The following ELP3 variants were observed in gnomAD, a reference collection of about 807,000 sequenced individuals.
ELP3 encodes the protein elongator complex protein 3.
Under a neutral mutation model 74.9 loss-of-function variants are expected in ELP3, and 56 were observed. That is an observed-to-expected ratio of 0.75 (90% CI 0.60 to 0.93). The LOEUF is 0.93. ELP3 is among the 40% of genes least tolerant of loss of function. The pLI, the probability that ELP3 is intolerant of heterozygous loss-of-function variation, is 0.00. For missense variants in ELP3, 573 were observed against 686.5 expected (o/e 0.83, Z 1.85); for synonymous variants, 222 against 239.8 (o/e 0.93, Z 0.68).
intron 10 of ELP3, among the ~76,000 whole-genome samples, chr8:28,140,969 G>A (rs942108060): frequency 6.6e-6 from 1 of 152,170 alleles, no homozygotes; most frequent in African/African-American, 2.4e-5. Flanking sequence ...CAAAAATATT[G>A]TGACCAGGGC....
At chr8:28,135,371 G>A (rs1812945633) in intron 9 of ELP3, among the ~76,000 whole-genome samples, 1 of 152,194 alleles carries the variant, frequency 6.6e-6, no homozygotes, top group Admixed American at 6.5e-5. Flanking sequence ...CTAAATGTCA[G>A]TATCGTGAAC....
In ELP3 at chr8:28,137,854, C is replaced by G. The variant is rs1008526015; in HGVS notation, c.1063C>G (p.Leu355Val). 1.2e-6 allele frequency: 2 copies of G among 1,613,118 alleles called. No individual in the cohort carries two copies. Among genetic ancestry groups the G allele is most frequent in the Admixed American group, 1.7e-5 (1 of 59,770 alleles). ...LVELVARILALVPPWTRVYRV... is the reference protein window; with the variant it reads ...LVELVARILAVVPPWTRVYRV... ...TGAATTGGTGGCTCGGATCCTAGCC[C>G]TCGTGCCTCCATGGACTCGAGTGTA... Residue 355 changes from leucine (L) to valine (V), a missense_variant, in exon 10 of 15, where the codon CTC (leucine) becomes GTC (valine). By Grantham distance (32) the Leu-to-Val change is conservative (BLOSUM62 1). Transcript: ENST00000256398.
At chr8:28,107,818 G>T in intron 4 of ELP3, 95 bp from the exon 5 acceptor site, 1 of 901,110 alleles carries the variant, frequency 1.1e-6, no homozygotes, top group East Asian at 2.5e-5. Flanking sequence ...AAGCTCATTT[G>T]TTATCAGGAT....
Position 28,147,849 on chromosome 8 carries a change from T to A in ELP3, c.1101-8093T>A, listed in dbSNP as rs10095192. ...CAGGATGAACACAGAACATCTTGTCTTTCCAGAGAGTAAGTAAATAATCAA... is the reference window on the plus strand; with the variant it reads ...CAGGATGAACACAGAACATCTTGTCATTCCAGAGAGTAAGTAAATAATCAA... On this transcript the variant is annotated intron_variant, in intron 10 of 14. Transcript: ENST00000256398. The surrounding 1 kb of genome is among the most constrained non-coding windows in gnomAD (Gnocchi z 4.5). Among the ~76,000 whole-genome samples the A allele has an allele frequency of 0.6, 91,296 of 151,962 alleles. 28,907 individuals are homozygous for A. Among genetic ancestry groups the A allele is most frequent in the East Asian group, 0.93 (4,828 of 5,172 alleles).
intron 14 of ELP3, among the ~76,000 whole-genome samples, chr8:28,185,281 C>T (rs1447502618): frequency 6.6e-6 from 1 of 152,172 alleles, no homozygotes; most frequent in Non-Finnish European, 1.5e-5. Context: ...AGAAGTCATC[C>T]TGCCCTTCAG....
chr8:28,116,548 T>C (rs980823094), intron 7 of ELP3, among the ~76,000 whole-genome samples: 2 of 152,306 alleles, frequency 1.3e-5, no homozygotes, highest in African/African-American at 2.4e-5. Context: ...GAGACCAGCC[T>C]GACCAACATG....
intron 14 of ELP3, chr8:28,183,306 T>TG (rs2130614706): frequency 4.5e-6 from 2 of 448,146 alleles, no homozygotes; most frequent in East Asian, 1.4e-4. Context: ...GCTGGTTGAA[T>TG]GGGGAAGATA....
chr8:28,158,782 G>A (rs897403607), intron 12 of ELP3, 149 bp downstream of exon 12: 99 of 657,610 alleles, frequency 1.5e-4, no homozygotes, highest in African/African-American at 5.6e-4. Flanking sequence ...GTGTCAAACC[G>A]TGAAAGCCAA....
At chr8:28,098,650 GTC>G (rs1811351229) in intron 2 of ELP3, among the ~76,000 whole-genome samples, 1 of 152,272 alleles carries the variant, frequency 6.6e-6, no homozygotes, top group African/African-American at 2.4e-5. Context: ...TTACTGGAAG[GTC>G]TCTCAGTCTG....
At chr8:28,114,929 T>C (rs1812065197) in intron 7 of ELP3, among the ~76,000 whole-genome samples, 1 of 151,908 alleles carries the variant, frequency 6.6e-6, no homozygotes, top group Non-Finnish European at 1.5e-5. Flanking sequence ...GGAAACCAGA[T>C]AGGAGGCCAT....
At position 28,110,386 on chromosome 8, in the gene ELP3, C is replaced by G. The variant is rs1209840083; in HGVS notation, c.410C>G (p.Ala137Gly). The G allele has an allele frequency of 6.2e-7, 1 of 1,613,698 alleles. No homozygotes were observed. Among genetic ancestry groups the G allele is most frequent in the Non-Finnish European group, 8.5e-7 (1 of 1,179,846 alleles). ...CTCTTCTAGCCAACCTCCATGAGAG[C>G]TATCCGTGCCAGATATGACCCTTTC... ...YTGYEPTSMR[A>G]IRARYDPFLQ... The change falls in exon 6 of 15, where the codon GCT (alanine) becomes GGT (glycine). Residue 137 changes from alanine (A) to glycine (G), a missense_variant. Coordinates refer to ENST00000256398, the MANE Select transcript of ELP3 (RefSeq NM_018091.6).
intron 3 of ELP3, among the ~76,000 whole-genome samples, chr8:28,103,330 C>G (rs1283801441): frequency 6.6e-6 from 1 of 152,162 alleles, no homozygotes; most frequent in Non-Finnish European, 1.5e-5. Context: ...ATCATACAGC[C>G]TTTCCACTTA....
chr8:28,118,088 T>C (rs1307792874), intron 7 of ELP3, among the ~76,000 whole-genome samples: 1 of 152,218 alleles, frequency 6.6e-6, no homozygotes, highest in Non-Finnish European at 1.5e-5. Context: ...TTCATGTTTA[T>C]TTTACTTTTG....
chr8:28,109,205 T>C (rs1174795645), intron 5 of ELP3, among the ~76,000 whole-genome samples: 2 of 152,082 alleles, frequency 1.3e-5, no homozygotes, highest in Non-Finnish European at 2.9e-5. Flanking sequence ...TTGATGGCCA[T>C]GTAGAGAAAG....
rs80199013 is a variant in ELP3, at chr8:28,103,309, C to T, written c.258+3343C>T. ...TTTGCTTTTTCCAGAGTGTCATGTA[C>T]AGTAATTGGAATCATACAGCCTTTC... On this transcript the variant is annotated intron_variant, in intron 3 of 14. Coordinates refer to ENST00000256398, the MANE Select transcript of ELP3 (RefSeq NM_018091.6). Among the ~76,000 whole-genome samples the T allele has an allele frequency of 6.7e-3, 1,021 of 152,268 alleles. 6 individuals carry two copies. Among genetic ancestry groups the T allele is most frequent in the African/African-American group, 0.021 (875 of 41,538 alleles).
At position 28,100,040 on chromosome 8, in the gene ELP3, C is replaced by G. The variant is rs74918720; in HGVS notation, c.258+74C>G. 1.9e-4 allele frequency: 297 copies of G among 1,586,400 alleles called. No homozygotes were observed. In the East Asian group the frequency reaches 5.5e-3, roughly 29 times the overall value. ...GCAGAAGTCCCTGCTCCATGTGACG[C>G]CCGTGTAGTGAGGTAGAGGTTGGGG... On this transcript the variant is annotated intron_variant, in intron 3 of 14. Coordinates refer to ENST00000256398, the MANE Select transcript of ELP3 (RefSeq NM_018091.6).
intron 7 of ELP3, among the ~76,000 whole-genome samples, chr8:28,128,182 G>C (rs1373778654): frequency 6.6e-6 from 1 of 152,034 alleles, no homozygotes; most frequent in East Asian, 1.9e-4. Flanking sequence ...TCTAAGAATT[G>C]AGAGATGTTG....
chr8:28,097,724 C>T (rs1236144965), intron 2 of ELP3, among the ~76,000 whole-genome samples: 1 of 152,180 alleles, frequency 6.6e-6, no homozygotes, highest in Non-Finnish European at 1.5e-5. Context: ...GCAAAATTGT[C>T]TCAGCTTAAG....
At chr8:28,135,322 G>A (rs1318980696) in intron 9 of ELP3, among the ~76,000 whole-genome samples, 1 of 152,200 alleles carries the variant, frequency 6.6e-6, no homozygotes, top group Non-Finnish European at 1.5e-5. Flanking sequence ...ACTGAAGAAT[G>A]TTCTTTTAGC....
Sources: gnomAD v4.1 joint callset for allele counts (sites outside exome capture counted in the v4.1 genomes callset) on GRCh38, gnomAD v4.1.1 for gene constraint, Gnocchi (gnomAD v3.1) non-coding constraint, MANE v1.5 for transcripts, NCBI Gene and HGNC (gene_info 2026-07-23, HGNC 2026-07-21) for gene names.